Variants in FSD1L observed in about 807,000 individuals in gnomAD.
The protein encoded by FSD1L is fibronectin type III and SPRY domain containing 1 like.
In FSD1L, 45 loss-of-function variants were observed where a neutral mutation model predicts 71.6. The ratio of observed to expected loss-of-function variants is 0.63; its 90% CI spans 0.49 to 0.81. The LOEUF is 0.81. Among genes scored for constraint, FSD1L ranks in the 30% least tolerant of loss-of-function variants. The pLI, the probability that FSD1L is intolerant of heterozygous loss-of-function variation, is 0.00. For missense variants in FSD1L, 561 were observed against 618.1 expected (o/e 0.91, Z 0.98); for synonymous variants, 197 against 207.2 (o/e 0.95, Z 0.42).
At chr9:105,534,407 G>A in intron 10 of FSD1L, 86 bp from the exon 11 acceptor site, 1 of 675,084 alleles carries the variant, frequency 1.5e-6, no homozygotes, top group Non-Finnish European at 2.5e-6. Context: ...TCTTTTCAGA[G>A]GTTCCTTCCA....
chr9:105,446,544 T>A (rs914887985), upstream of FSD1L, among the ~76,000 whole-genome samples: 17 of 151,808 alleles, frequency 1.1e-4, no homozygotes, highest in African/African-American at 2.4e-4. Flanking sequence ...TTTTTTTTTT[T>A]AATTTCTGTA....
In FSD1L at chr9:105,468,262, G is replaced by T; in HGVS notation, c.277G>T (p.Val93Leu). Residue 93 changes from valine to leucine, a missense_variant, in exon 4 of 14, where the codon GTA becomes TTA. Val to Leu is a conservative substitution (Grantham distance 32). Around this residue, in one of 3 missense-constraint regions of FSD1L, gnomAD observed 410 missense variants for 413.5 expected, o/e 0.99. Coordinates refer to ENST00000481272, the MANE Select transcript of FSD1L (RefSeq NM_001145313.3). ...TAGTTTATACTCTATACTGGATGAA[G>T]TAAAAGAAAGTATGATTAACTGTAT... Reference protein sequence around the residue: ...FDSLYSILDEVKESMINCIKQ... With the variant: ...FDSLYSILDELKESMINCIKQ... 6.7e-7 allele frequency: 1 copy of T among 1,482,980 alleles called. No individual in the cohort carries two copies. Among genetic ancestry groups the T allele is most frequent in the South Asian group, 1.4e-5 (1 of 71,136 alleles). 91.9% of individuals were successfully genotyped at this position (1,482,980 alleles called of 1,614,324 possible). A position where few individuals can be genotyped will look rare whatever the true frequency, so the allele number is the denominator to read the frequency against.
At chr9:105,520,060 C>G in intron 10 of FSD1L, 1 of 1,538,032 alleles carries the variant, frequency 6.5e-7, no homozygotes, top group Non-Finnish European at 8.8e-7. Flanking sequence ...CCCGTCCACT[C>G]CCTCCACTTT....
intron 13 of FSD1L, among the ~76,000 whole-genome samples, chr9:105,541,026 G>A (rs887704837): frequency 3.3e-5 from 5 of 152,062 alleles, no homozygotes; most frequent in Admixed American, 1.3e-4. Flanking sequence ...TATTTTGCAT[G>A]TATATTCTTC....
chr9:105,461,581 T>G lies in FSD1L; in HGVS notation c.77T>G (p.Ile26Ser). 6.4e-7 allele frequency: 1 copy of G among 1,551,704 alleles called. No homozygotes were observed. The highest frequency in any genetic ancestry group is 8.7e-7 in the Non-Finnish European group (1 of 1,146,650). The stretch of plus-strand genomic sequence containing the variant: ...AAAGCCTGTTTTCTGATCTCTAACA[T>G]CACTATTGGACCAGAGTCTATTAAC... ...VDKACFLISN[I>S]TIGPESINLQ... Residue 26 changes from isoleucine to serine, a missense_variant, in exon 2 of 14, where the codon ATC becomes AGC. Ile to Ser is a moderately radical substitution (Grantham distance 142, BLOSUM62 -2). Coordinates refer to ENST00000481272, the MANE Select transcript of FSD1L (RefSeq NM_001145313.3).
intron 7 of FSD1L, among the ~76,000 whole-genome samples, chr9:105,503,642 T>G (rs999231112): frequency 9.2e-5 from 14 of 152,220 alleles, no homozygotes; most frequent in Admixed American, 7.9e-4. Context: ...TAGGTAGATG[T>G]GTGGATTGCT....
At chr9:105,479,216 T>C in intron 5 of FSD1L, 138 bp from the exon 6 acceptor site, 1 of 651,364 alleles carries the variant, frequency 1.5e-6, no homozygotes, top group Non-Finnish European at 2.6e-6. Context: ...ATAAATTTTC[T>C]ATAGTTTGTG....
At chr9:105,519,837 C>T (rs1835000780) in intron 10 of FSD1L, among the ~76,000 whole-genome samples, 1 of 152,212 alleles carries the variant, frequency 6.6e-6, no homozygotes, top group African/African-American at 2.4e-5. Flanking sequence ...CCGCTGGAGA[C>T]GAGCGGCGGC....
At chr9:105,528,395 A>G (rs781041388) in intron 10 of FSD1L, among the ~76,000 whole-genome samples, 9 of 152,338 alleles carry the variant, frequency 5.9e-5, no homozygotes, top group Non-Finnish European at 1.0e-4. Context: ...CTACAAGGCT[A>G]CAGTAACCAA....
chr9:105,504,572 A>C (rs1030204775), intron 7 of FSD1L, among the ~76,000 whole-genome samples: 3 of 152,170 alleles, frequency 2.0e-5, no homozygotes, highest in Non-Finnish European at 4.4e-5. Flanking sequence ...AAAATTAGCA[A>C]GAGTCATCTC....
intron 1 of FSD1L, among the ~76,000 whole-genome samples, chr9:105,451,573 A>G (rs180780795): frequency 3.2e-4 from 49 of 152,316 alleles, no homozygotes; most frequent in Middle Eastern, 3.4e-3. Flanking sequence ...ATGTAGGCAT[A>G]CTGTTGGATA....
At chr9:105,534,334 C>T (rs989015890) in intron 10 of FSD1L, among the ~76,000 whole-genome samples, 159 bp from the exon 11 acceptor site, 6 of 152,088 alleles carry the variant, frequency 3.9e-5, no homozygotes, top group Non-Finnish European at 7.4e-5. Context: ...TAATTGACAG[C>T]GCTCTTTAAT....
chr9:105,471,297 T>C (rs999139829), intron 4 of FSD1L, among the ~76,000 whole-genome samples: 2 of 152,186 alleles, frequency 1.3e-5, no homozygotes, highest in Non-Finnish European at 2.9e-5. Context: ...TTCAGTTACC[T>C]CTCAGTTCCT....
At chr9:105,526,193 C>A in intron 10 of FSD1L, 1 of 1,593,772 alleles carries the variant, frequency 6.3e-7, no homozygotes, top group East Asian at 2.2e-5. Context: ...GCAAGCCGTG[C>A]TCTGAAATCT....
chr9:105,514,918 G>T (rs553578719), intron 10 of FSD1L, among the ~76,000 whole-genome samples: 1 of 152,264 alleles, frequency 6.6e-6, no homozygotes, highest in Non-Finnish European at 1.5e-5. Context: ...GGAGAAAAGT[G>T]TTTTCAGACC....
intron 10 of FSD1L, chr9:105,530,743 A>G: frequency 2.0e-6 from 1 of 512,510 alleles, no homozygotes; most frequent in Admixed American, 3.8e-5. Context: ...TTGTTTCTGA[A>G]TCTGCTGTGC....
rs1426132901 is a variant in FSD1L at position 105,524,739 on chromosome 9, C to T, written c.1026-9754C>T. On this transcript the variant is annotated intron_variant, in intron 10 of 13. Transcript: ENST00000481272. ...CCAGCCAGTAACAGAAGTGAAAACTCAAATGCAGCATGGATTAATCTCTAT... is the reference window on the plus strand; with the variant it reads ...CCAGCCAGTAACAGAAGTGAAAACTTAAATGCAGCATGGATTAATCTCTAT... The T allele has an allele frequency of 3.1e-6, 5 of 1,612,892 alleles. No homozygotes were observed. In the African/African-American group the frequency reaches 6.7e-5, roughly 22 times the overall value.
In FSD1L at chr9:105,547,494, T is replaced by C. The variant is rs1384804347; in HGVS notation, c.*1011T>C. 1.3e-5 allele frequency: 2 copies of C among 152,142 alleles called. No homozygotes were observed. The highest frequency in any genetic ancestry group is 2.9e-5 in the Non-Finnish European group (2 of 67,926). The allele number at this position is 152,142 out of a possible 1,614,324, so 9.4% of individuals were successfully genotyped here. A position where few individuals can be genotyped will look rare whatever the true frequency, so the allele number is the denominator to read the frequency against. ...TGTATATATTCTTTTTCATAACATA[T>C]GGAATGCTTTAAGCAATTGTTTTGA... On this transcript the variant is annotated 3_prime_UTR_variant, in exon 14 of 14. Transcript: ENST00000481272.
At chr9:105,460,591 CAAAA>C in intron 1 of FSD1L, among the ~76,000 whole-genome samples, 1 of 66,010 alleles carries the variant, frequency 1.5e-5, no homozygotes, top group African/African-American at 6.3e-5. Context: ...GACTCCATCT[CAAAA>C]AAAAAAAAAA....
Sources: allele counts gnomAD v4.1 joint callset (sites outside exome capture counted in the v4.1 genomes callset), GRCh38; gene constraint gnomAD v4.1.1; regional missense constraint gnomAD v4.1.1; transcripts MANE v1.5; gene names NCBI Gene and HGNC (gene_info 2026-07-23, HGNC 2026-07-21).